Variants in MCTP1 observed in about 807,000 individuals in gnomAD.
MCTP1 encodes the protein multiple C2 and transmembrane domain-containing protein 1.
A neutral mutation model predicts 120.6 loss-of-function variants in MCTP1; 69 were observed. The ratio of observed to expected loss-of-function variants is 0.57; its 90% CI spans 0.47 to 0.70. The LOEUF (loss-of-function observed/expected upper bound fraction) is 0.70. Among genes scored for constraint, MCTP1 ranks in the 30% least tolerant of loss-of-function variants. The pLI is 0.00. For missense variants in MCTP1, 1,203 were observed against 1,248.8 expected, an observed-to-expected ratio of 0.96 and a Z score of 0.55; for synonymous variants, 529 against 493.1, an observed-to-expected ratio of 1.07 and a Z score of -0.96.
intron 15 of MCTP1, among the ~76,000 whole-genome samples, 190 bp from the exon 16 acceptor site, chr5:94,870,681 C>T (rs1025058117): frequency 6.6e-6 from 1 of 152,084 alleles, no homozygotes; most frequent in African/African-American, 2.4e-5. Flanking sequence ...GGCCAGAACA[C>T]AACCGCAGCA....
chr5:95,027,577 G>T (rs1223485168), intron 1 of MCTP1, among the ~76,000 whole-genome samples: 1 of 152,158 alleles, frequency 6.6e-6, no homozygotes, highest in Non-Finnish European at 1.5e-5. Flanking sequence ...ATATAGTAGA[G>T]GGTGGAGTGT....
chr5:94,918,031 C>T (rs1810572215), intron 7 of MCTP1, 58 bp from the exon 8 acceptor site: 2 of 1,305,170 alleles, frequency 1.5e-6, no homozygotes, highest in East Asian at 4.7e-5. Context: ...TTCTCAACCC[C>T]TCATTTTGAT....
intron 6 of MCTP1, among the ~76,000 whole-genome samples, chr5:94,927,042 C>T (rs6862634): frequency 0.02 from 3,015 of 152,254 alleles, 104 homozygotes; most frequent in African/African-American, 0.067. Flanking sequence ...ACAGCAAATC[C>T]CTGTAGCTAT....
intron 2 of MCTP1, among the ~76,000 whole-genome samples, chr5:94,997,695 C>T (rs146881729): frequency 7.8e-4 from 118 of 152,244 alleles, no homozygotes; most frequent in Admixed American, 2.4e-3. Context: ...AATGGACCTA[C>T]GCTGATACAT....
chr5:94,967,459 G>A (rs1420937517), intron 2 of MCTP1, among the ~76,000 whole-genome samples: 2 of 152,202 alleles, frequency 1.3e-5, no homozygotes, highest in Non-Finnish European at 2.9e-5. Flanking sequence ...CAACTAGGCT[G>A]CTGGAACCTG....
intron 3 of MCTP1, among the ~76,000 whole-genome samples, chr5:94,952,959 A>T (rs1424921324): frequency 6.6e-6 from 1 of 152,208 alleles, no homozygotes; most frequent in Non-Finnish European, 1.5e-5. Context: ...GCACTAAATC[A>T]GTTGGCAATA....
intron 12 of MCTP1, among the ~76,000 whole-genome samples, chr5:94,881,410 G>T (rs147795621): frequency 9.8e-4 from 149 of 152,168 alleles, no homozygotes; most frequent in Admixed American, 3.5e-3. Context: ...AAGGAAGTTT[G>T]CTCTTTGGAC....
chr5:95,218,110 G>C (rs1753243432), intron 1 of MCTP1, among the ~76,000 whole-genome samples: 1 of 152,214 alleles, frequency 6.6e-6, no homozygotes, highest in Non-Finnish European at 1.5e-5. Flanking sequence ...TCTGATGTCA[G>C]AGGAGAACAA....
At chr5:94,957,211 A>G (rs1822861449) in intron 2 of MCTP1, among the ~76,000 whole-genome samples, 1 of 152,202 alleles carries the variant, frequency 6.6e-6, no homozygotes, top group Non-Finnish European at 1.5e-5. Context: ...CAGACAAGCA[A>G]ATGCTGAGAG....
chr5:94,985,547 C>G (rs2153604847), intron 2 of MCTP1, among the ~76,000 whole-genome samples: 1 of 152,288 alleles, frequency 6.6e-6, no homozygotes, highest in South Asian at 2.1e-4. Context: ...TGAAGATCTT[C>G]ACTTAAAAAA....
chr5:95,018,956 G>A (rs1456681689), intron 1 of MCTP1, among the ~76,000 whole-genome samples: 1 of 152,038 alleles, frequency 6.6e-6, no homozygotes, highest in African/African-American at 2.4e-5. Flanking sequence ...ACTTTTAAAA[G>A]TCTTATGCAA....
At chr5:94,923,414 G>A (rs1465484550) in intron 7 of MCTP1, among the ~76,000 whole-genome samples, 1 of 152,106 alleles carries the variant, frequency 6.6e-6, no homozygotes, top group Non-Finnish European at 1.5e-5. Context: ...AAGTTAAATT[G>A]CAATGACATT....
intron 18 of MCTP1, among the ~76,000 whole-genome samples, chr5:94,787,055 G>A (rs935777415): frequency 2.0e-5 from 3 of 152,090 alleles, no homozygotes; most frequent in African/African-American, 4.8e-5. Context: ...CCTCTTACCC[G>A]ACATCCTGAG....
In MCTP1 at chr5:95,284,004, G is replaced by A; in HGVS notation, c.572C>T (p.Ala191Val). ...DEGARRQGPG[A>V]HLCHQKSSSL... Reference sequence around the variant, plus strand: ...GGAGCTCTTCTGGTGGCACAAGTGCGCCCCGGGGCCCTGACGCCGTGCACC... The same window carrying A: ...GGAGCTCTTCTGGTGGCACAAGTGCACCCCGGGGCCCTGACGCCGTGCACC... Residue 191 changes from alanine to valine, a missense_variant, in exon 1 of 23, where the codon GCG (alanine) becomes GTG (valine). By Grantham distance (64) the Ala-to-Val change is moderately conservative. Around this residue, in one of 2 missense-constraint regions of MCTP1, gnomAD observed 463 missense variants for 377.8 expected, o/e 1.23. Transcript: ENST00000515393. This position sits in a 1 kb window ranked among gnomAD's most constrained non-coding sequence, Gnocchi z 5.2. 6.8e-7 allele frequency: 1 copy of A among 1,470,746 alleles called. No individual in the cohort carries two copies. The highest frequency in any genetic ancestry group is 2.6e-5 in the East Asian group (1 of 37,774). 91.1% of individuals were successfully genotyped at this position (1,470,746 alleles called of 1,614,324 possible).
intron 19 of MCTP1, among the ~76,000 whole-genome samples, chr5:94,751,637 C>A (rs1412465532): frequency 2.0e-5 from 3 of 152,050 alleles, no homozygotes; most frequent in African/African-American, 7.2e-5. Context: ...AGAAGGAATG[C>A]ATAAAGCGTA....
At chr5:94,928,225 CACACA>C (rs903763315) in intron 6 of MCTP1, among the ~76,000 whole-genome samples, 53 of 151,810 alleles carry the variant, frequency 3.5e-4, no homozygotes, top group South Asian at 3.3e-3. Context: ...CACACACACA[CACACA>C]CACACACACA....
At chr5:95,133,206 T>C (rs1435678331) in intron 1 of MCTP1, among the ~76,000 whole-genome samples, 1 of 152,226 alleles carries the variant, frequency 6.6e-6, no homozygotes, top group Non-Finnish European at 1.5e-5. Context: ...GTAGCTTCCC[T>C]TTATCTACAG....
chr5:95,078,600 T>C (rs1027173633), intron 1 of MCTP1, among the ~76,000 whole-genome samples: 1 of 152,188 alleles, frequency 6.6e-6, no homozygotes, highest in African/African-American at 2.4e-5. Flanking sequence ...AATGATTAAA[T>C]GTAGTAACAT....
rs1174980740 is a variant in MCTP1, at chr5:94,706,589, C to A, written c.*907G>T. 2 of 74,910 alleles carry A rather than the reference C, an allele frequency of 2.7e-5. No individual in the cohort carries two copies. The highest frequency in any genetic ancestry group is 1.1e-3 in the East Asian group (2 of 1,828). The allele number at this position is 74,910 out of a possible 1,614,324, so 4.6% of individuals were successfully genotyped here. On this transcript the variant is annotated 3_prime_UTR_variant, in exon 23 of 23. Transcript: ENST00000515393. ...TAATGAGAAAGCAGGTTTTTTTTTT[C>A]TCTGAGAGCACTTGAGTATTTATTA...
Sources: gnomAD v4.1 joint callset for allele counts (sites outside exome capture counted in the v4.1 genomes callset) on GRCh38, gnomAD v4.1.1 for gene constraint, gnomAD v4.1.1 regional missense constraint, Gnocchi (gnomAD v3.1) non-coding constraint, MANE v1.5 for transcripts, NCBI Gene and HGNC (gene_info 2026-07-23, HGNC 2026-07-21) for gene names.